Variants in PCM1 observed in about 807,000 individuals in gnomAD.
PCM1 encodes the protein pericentriolar material 1, also known as pericentriolar material 1 protein.
In PCM1, 157 loss-of-function variants were observed where a neutral mutation model predicts 241.9. The ratio of observed to expected loss-of-function variants is 0.65; its 90% CI spans 0.57 to 0.74. The LOEUF is 0.74. Among genes scored for constraint, PCM1 ranks in the 30% least tolerant of loss-of-function variants. The pLI, the probability that PCM1 is intolerant of heterozygous loss-of-function variation, is 0.00. For synonymous variants in PCM1, 1,085 were observed against 784.9 expected (o/e 1.38, Z -6.39); for missense variants, 3,478 against 2,360.1 (o/e 1.47, Z -9.81).
intron 24 of PCM1, among the ~76,000 whole-genome samples, chr8:17,982,267 A>G (rs547292168): frequency 6.6e-6 from 1 of 152,230 alleles, no homozygotes; most frequent in Non-Finnish European, 1.5e-5. Flanking sequence ...CTCTCTACCA[A>G]ATAGTGATAT....
chr8:17,952,884 A>G, intron 8 of PCM1, 86 bp from the exon 9 acceptor site: 2 of 806,556 alleles, frequency 2.5e-6, no homozygotes, highest in African/African-American at 1.7e-5. Flanking sequence ...TTCTCTTTAT[A>G]AAGAATATTT....
chr8:17,956,234 C>G (rs749469891), intron 10 of PCM1, among the ~76,000 whole-genome samples: 1 of 152,120 alleles, frequency 6.6e-6, no homozygotes, highest in Non-Finnish European at 1.5e-5. Flanking sequence ...TGTCTGTATA[C>G]CTGATTTTCC....
At chr8:17,940,344 C>A (rs2061654896) in intron 6 of PCM1, among the ~76,000 whole-genome samples, 1 of 152,114 alleles carries the variant, frequency 6.6e-6, no homozygotes, top group East Asian at 1.9e-4. Flanking sequence ...TATTTATTAA[C>A]ACTAAAAATA....
intron 2 of PCM1, among the ~76,000 whole-genome samples, chr8:17,928,691 G>A (rs963976332): frequency 1.4e-5 from 2 of 140,790 alleles, no homozygotes. Context: ...GAGTGCAATG[G>A]CACTATCTCC....
At chr8:18,006,789 A>G (rs2091456450) in intron 30 of PCM1, among the ~76,000 whole-genome samples, 1 of 152,166 alleles carries the variant, frequency 6.6e-6, no homozygotes, top group South Asian at 2.1e-4. Flanking sequence ...GGTTGTAGAG[A>G]CTTTTTAGGG....
intron 21 of PCM1, among the ~76,000 whole-genome samples, chr8:17,968,758 GTGTGTATATA>G (rs1304550830): frequency 6.1e-5 from 8 of 131,054 alleles, no homozygotes; most frequent in African/African-American, 2.0e-4. Context: ...GTGTGTGTGT[GTGTGTATATA>G]TATATATATA....
rs748118079 is a variant in PCM1 at position 17,960,112 on chromosome 8, T to C, written c.2139T>C (p.Thr713=). The C allele has an allele frequency of 6.2e-7, 1 of 1,602,400 alleles. No homozygotes were observed. The highest frequency in any genetic ancestry group is 1.1e-5 in the South Asian group (1 of 89,508). Residue 713 remains threonine (T), a synonymous_variant, in exon 14 of 39, where the codon ACT becomes ACC. Transcript: ENST00000325083. ...EEDTKQNSNN[T]RGNANKTQKD... The stretch of plus-strand genomic sequence containing the variant: ...ACACCAAGCAAAATTCAAATAACAC[T>C]AGAGGAAATGCCAATAAAACACAGA...
Position 18,009,796 on chromosome 8 carries a change from C to T in PCM1, c.5160+52C>T, listed in dbSNP as rs559112268. 118 of 1,105,616 alleles carry T rather than the reference C, an allele frequency of 1.1e-4. No individual in the cohort carries two copies. The African/African-American group carries it at 1.7e-3, about 16-fold the overall frequency. The allele number at this position is 1,105,616 out of a possible 1,614,324, so 68.5% of individuals were successfully genotyped here. A position where few individuals can be genotyped will look rare whatever the true frequency, so the allele number is the denominator to read the frequency against. On this transcript the variant is annotated intron_variant, in intron 31 of 38. Coordinates refer to ENST00000325083, the MANE Select transcript of PCM1 (RefSeq NM_006197.4). The stretch of plus-strand genomic sequence containing the variant: ...GGATAATTGACACATAAATACAGTT[C>T]TTGATCATTATTATTAACTGAAATC...
Position 17,986,139 on chromosome 8 carries a change from A to G in PCM1, c.4410+52A>G, listed in dbSNP as rs367998793. 4.8e-6 allele frequency: 6 copies of G among 1,241,206 alleles called. No individual in the cohort carries two copies. The African/African-American group carries it at 6.2e-5, about 13-fold the overall frequency. The allele number at this position is 1,241,206 out of a possible 1,614,324, so 76.9% of individuals were successfully genotyped here. ...TAGATATAATTTTAGTATGCAGTAAATAAAAGTTAAATAGATTATTGTCAA... is the reference window on the plus strand; with the variant it reads ...TAGATATAATTTTAGTATGCAGTAAGTAAAAGTTAAATAGATTATTGTCAA... On this transcript the variant is annotated intron_variant, in intron 26 of 38. Transcript: ENST00000325083.
Position 17,990,301 on chromosome 8 carries a change from C to T in PCM1, c.4531+322C>T, listed in dbSNP as rs374279184. 4.5e-4 allele frequency among the ~76,000 whole-genome samples: 68 copies of T among 152,032 alleles called. 2 individuals carry two copies. The South Asian group carries it at 9.3e-3, about 21-fold the overall frequency. ...TCCTTTTCCTTAAAGGAAAGGTCATCGTTTAAGGTCATCTAGTTAATTCAT... is the reference window on the plus strand; with the variant it reads ...TCCTTTTCCTTAAAGGAAAGGTCATTGTTTAAGGTCATCTAGTTAATTCAT... On this transcript the variant is annotated intron_variant, in intron 27 of 38. Transcript: ENST00000325083.
Position 18,028,089 on chromosome 8 carries a change from T to TA in PCM1, c.*428dup, listed in dbSNP as rs756900005. 4.3e-5 allele frequency: 9 copies of TA among 208,270 alleles called. No individual in the cohort carries two copies. The South Asian group carries it at 5.6e-4, about 13-fold the overall frequency. The allele number at this position is 208,270 out of a possible 1,614,324, so 12.9% of individuals were successfully genotyped here. On this transcript the variant is annotated 3_prime_UTR_variant, in exon 39 of 39. Transcript: ENST00000325083. ...TTAGTTAGAGAAATATATTATTTGT[T>TA]ATAAAGCCCATCCATTAGGCCAGTC...
intron 36 of PCM1, among the ~76,000 whole-genome samples, chr8:18,019,379 C>T (rs1441897101): frequency 6.6e-6 from 1 of 152,124 alleles, no homozygotes; most frequent in Non-Finnish European, 1.5e-5. Context: ...ACAATTTTTC[C>T]ATGGACTGGG....
intron 36 of PCM1, among the ~76,000 whole-genome samples, chr8:18,019,949 G>C (rs947294760): frequency 4.6e-5 from 7 of 152,150 alleles, no homozygotes; most frequent in African/African-American, 1.7e-4. Context: ...AACTAAGGCA[G>C]TTAAGGGAGT....
rs1265187747 is a variant in PCM1, at chr8:17,955,495, G to C, written c.1314G>C (p.Gln438His). ...CCTCTCCACAAAGGAGTGTCGATCA[G>C]AGAAGTACTTCAGCTCCCTCTGCTT... ...SSSSPQRSVD[Q>H]RSTSAPSASV... The change falls in exon 10 of 39, where the codon CAG becomes CAC. Residue 438 changes from glutamine to histidine, a missense_variant. Physicochemically the swap from Gln to His is conservative, Grantham distance 24. Transcript: ENST00000325083. 6.2e-7 allele frequency: 1 copy of C among 1,611,960 alleles called. No homozygotes were observed. The highest frequency in any genetic ancestry group is 1.3e-5 in the African/African-American group (1 of 74,872).
intron 6 of PCM1, among the ~76,000 whole-genome samples, chr8:17,946,904 G>A (rs2064021968): frequency 1.3e-5 from 2 of 149,418 alleles, no homozygotes; most frequent in African/African-American, 2.5e-5. Context: ...GGCCTTTTAT[G>A]TTTTGTATAT....
intron 36 of PCM1, among the ~76,000 whole-genome samples, chr8:18,018,934 A>G (rs1224073854): frequency 1.7e-5 from 2 of 116,190 alleles, no homozygotes; most frequent in African/African-American, 6.8e-5. Flanking sequence ...TATAATATAT[A>G]ACAAAGTTGG....
intron 36 of PCM1, among the ~76,000 whole-genome samples, chr8:18,020,692 T>C (rs1315576642): frequency 2.0e-5 from 3 of 152,344 alleles, no homozygotes; most frequent in African/African-American, 7.2e-5. Context: ...TATGAACTAA[T>C]AGAAAAGGGA....
At chr8:17,959,315 T>C (rs1412867722) in intron 13 of PCM1, among the ~76,000 whole-genome samples, 1 of 109,842 alleles carries the variant, frequency 9.1e-6, no homozygotes, top group Non-Finnish European at 1.8e-5. Context: ...ATATAAATAA[T>C]ACTGCATATA....
intron 9 of PCM1, among the ~76,000 whole-genome samples, chr8:17,954,856 T>C (rs754040048): frequency 1.1e-4 from 17 of 152,202 alleles, no homozygotes; most frequent in Non-Finnish European, 1.6e-4. Context: ...AGCCATTATC[T>C]AAATAGCAGG....
Sources: gnomAD v4.1 joint callset for allele counts (sites outside exome capture counted in the v4.1 genomes callset) on GRCh38, gnomAD v4.1.1 for gene constraint, MANE v1.5 for transcripts, NCBI Gene and HGNC (gene_info 2026-07-23, HGNC 2026-07-21) for gene names.